The following SPATA17 variants were observed in gnomAD, a reference collection of about 807,000 sequenced individuals.
SPATA17 encodes spermatogenesis-associated protein 17.
A neutral mutation model predicts 62.2 loss-of-function variants in SPATA17; 53 were observed. That is an observed-to-expected ratio of 0.85 (90% CI 0.68 to 1.07). SPATA17 has a LOEUF of 1.07. Ranked by LOEUF, SPATA17 falls within the 50% of genes least tolerant of loss-of-function variation. The pLI, the probability that SPATA17 is intolerant of heterozygous loss-of-function variation, is 0.00. For synonymous variants in SPATA17, 146 were observed against 146.8 expected, an observed-to-expected ratio of 0.99 and a Z score of 0.04; for missense variants, 466 against 425.5, an observed-to-expected ratio of 1.10 and a Z score of -0.84.
chr1:217,672,153 G>A (rs917951393), intron 4 of SPATA17, among the ~76,000 whole-genome samples: 6 of 152,116 alleles, frequency 3.9e-5, no homozygotes, highest in Non-Finnish European at 7.4e-5. Flanking sequence ...CCAGTGTGTG[G>A]CCCAGATACC....
intron 6 of SPATA17, among the ~76,000 whole-genome samples, chr1:217,773,444 T>C (rs1673505440): frequency 6.6e-6 from 1 of 152,158 alleles, no homozygotes; most frequent in Admixed American, 6.6e-5. Context: ...ATATAAGGCT[T>C]CATGGAACCA....
At chr1:217,779,685 T>C (rs1283339523) in intron 7 of SPATA17, among the ~76,000 whole-genome samples, 1 of 152,084 alleles carries the variant, frequency 6.6e-6, no homozygotes, top group Non-Finnish European at 1.5e-5. Flanking sequence ...TGTTTGTTTG[T>C]TTTTTCTGAG....
At chr1:217,730,644 T>C (rs1672383586) in intron 5 of SPATA17, among the ~76,000 whole-genome samples, 1 of 152,188 alleles carries the variant, frequency 6.6e-6, no homozygotes, top group African/African-American at 2.4e-5. Flanking sequence ...ATATTACTCA[T>C]TTGAAAGTAA....
At chr1:217,679,084 G>C (rs892764023) in intron 4 of SPATA17, among the ~76,000 whole-genome samples, 9 of 151,974 alleles carry the variant, frequency 5.9e-5, no homozygotes, top group Non-Finnish European at 8.8e-5. Flanking sequence ...TTCTATAATA[G>C]GAAATATAGT....
chr1:217,722,058 C>T (rs1453557343), intron 5 of SPATA17, among the ~76,000 whole-genome samples: 2 of 152,150 alleles, frequency 1.3e-5, no homozygotes, highest in Non-Finnish European at 2.9e-5. Context: ...AGCTCCTCTT[C>T]CATCCCTTCT....
intron 5 of SPATA17, among the ~76,000 whole-genome samples, chr1:217,731,659 G>C (rs1207163296): frequency 6.6e-6 from 1 of 152,030 alleles, no homozygotes; most frequent in Non-Finnish European, 1.5e-5. Flanking sequence ...TGACCTAGAG[G>C]TTCTAGAAAC....
At position 217,683,285 on chromosome 1, in the gene SPATA17, G is replaced by T; in HGVS notation, c.319G>T (p.Val107Phe). ...TCAGAGACGATGGCGAGGCTATAGG[G>T]TTCGGAAGTACCTCTTTAATTATTA... Reference protein sequence around the residue: ...RIQRRWRGYRVRKYLFNYYYL... With the variant: ...RIQRRWRGYRFRKYLFNYYYL... The change falls in exon 5 of 11, where the codon GTT becomes TTT. Residue 107 changes from valine (V) to phenylalanine (F), a missense_variant. Coordinates refer to ENST00000366933, the MANE Select transcript of SPATA17 (RefSeq NM_138796.4). 6.2e-7 allele frequency: 1 copy of T among 1,609,288 alleles called. No individual in the cohort carries two copies.
At chr1:217,724,869 C>A (rs1464538006) in intron 5 of SPATA17, among the ~76,000 whole-genome samples, 5 of 151,966 alleles carry the variant, frequency 3.3e-5, no homozygotes, top group Non-Finnish European at 7.4e-5. Flanking sequence ...TTGTAAAAAG[C>A]CCTATATATG....
intron 5 of SPATA17, among the ~76,000 whole-genome samples, chr1:217,690,752 T>C (rs1490898335): frequency 7.8e-6 from 1 of 127,762 alleles, no homozygotes; most frequent in Non-Finnish European, 1.6e-5. Context: ...TGGTTTTTTG[T>C]TCTTGCGATA....
In SPATA17 at chr1:217,666,526, G is replaced by GT. The variant is rs56066765; in HGVS notation, c.241-2496dup. ...GGAAATGCGGTTCACATTTACATGT[G>GT]TTTTTTTTTTTAGTTTTTAAAAAAA... On this transcript the variant is annotated intron_variant, in intron 3 of 10. Transcript: ENST00000366933. Among the ~76,000 whole-genome samples, 1,007 of 145,354 alleles carry GT rather than the reference G, an allele frequency of 6.9e-3. 5 individuals carry two copies. The highest frequency in any genetic ancestry group is 0.033 in the East Asian group (166 of 5,018).
chr1:217,677,527 T>C (rs564638006), intron 4 of SPATA17, among the ~76,000 whole-genome samples: 109 of 152,196 alleles, frequency 7.2e-4, no homozygotes, highest in Non-Finnish European at 1.1e-3. Context: ...CTAGACATTA[T>C]GTTATTGTTC....
At chr1:217,654,957 G>T (rs568728358) in intron 3 of SPATA17, among the ~76,000 whole-genome samples, 1 of 152,188 alleles carries the variant, frequency 6.6e-6, no homozygotes, top group South Asian at 2.1e-4. Flanking sequence ...TGATATGCCC[G>T]CCTTGGCCTC....
At chr1:217,776,638 C>T (rs1266932619) in intron 7 of SPATA17, among the ~76,000 whole-genome samples, 1 of 139,366 alleles carries the variant, frequency 7.2e-6, no homozygotes, top group African/African-American at 2.7e-5. Context: ...CAGGAGTTCA[C>T]AACCAGCCTG....
At chr1:217,839,501 T>A (rs1370701322) in intron 9 of SPATA17, among the ~76,000 whole-genome samples, 2 of 152,216 alleles carry the variant, frequency 1.3e-5, no homozygotes, top group South Asian at 2.1e-4. Flanking sequence ...TTTCTGTAAT[T>A]GGTTTTTTCC....
At position 217,859,099 on chromosome 1, in the gene SPATA17, A is replaced by G. The variant is rs1389137883; in HGVS notation, c.1006-3675A>G. Reference sequence around the variant, plus strand: ...TTTATATATGTAGAAAATTATATAGAGAGAAATGTTTATATTATACATAAA... The same window carrying G: ...TTTATATATGTAGAAAATTATATAGGGAGAAATGTTTATATTATACATAAA... On this transcript the variant is annotated intron_variant, in intron 9 of 10. Transcript: ENST00000366933. 2.7e-5 allele frequency among the ~76,000 whole-genome samples: 4 copies of G among 147,370 alleles called. No homozygotes were observed. The East Asian group carries it at 7.8e-4, about 29-fold the overall frequency.
At chr1:217,683,415 T>A in intron 5 of SPATA17, 54 bp downstream of exon 5, 1 of 1,123,914 alleles carries the variant, frequency 8.9e-7, no homozygotes, top group Non-Finnish European at 1.3e-6. Flanking sequence ...GATTACTCAA[T>A]AGATGTTGAT....
chr1:217,791,610 C>A lies in SPATA17; in HGVS notation c.872+9288C>A, dbSNP rs75412731. On this transcript the variant is annotated intron_variant, in intron 8 of 10. Transcript: ENST00000366933. ...TAAAGAAGCTTAAGATTTTAAAAAT[C>A]TATACAGTTTGATAATTTGGAATAC... Among the ~76,000 whole-genome samples, 1,490 of 152,226 alleles carry A rather than the reference C, an allele frequency of 9.8e-3. 14 individuals carry two copies. Among genetic ancestry groups the A allele is most frequent in the African/African-American group, 0.034 (1,412 of 41,522 alleles).
At chr1:217,716,681 A>G (rs1416914837) in intron 5 of SPATA17, among the ~76,000 whole-genome samples, 2 of 152,358 alleles carry the variant, frequency 1.3e-5, no homozygotes, top group East Asian at 1.9e-4. Context: ...TAGGATACAT[A>G]TGTGTTCTTG....
chr1:217,804,346 A>G (rs1674382349), intron 9 of SPATA17, among the ~76,000 whole-genome samples: 2 of 152,242 alleles, frequency 1.3e-5, no homozygotes, highest in Admixed American at 6.5e-5. Flanking sequence ...AAAACTGTAT[A>G]TCCACTGCAG....
Sources: gnomAD v4.1 joint callset for allele counts (sites outside exome capture counted in the v4.1 genomes callset) on GRCh38, gnomAD v4.1.1 for gene constraint, MANE v1.5 for transcripts, NCBI Gene and HGNC (gene_info 2026-07-23, HGNC 2026-07-21) for gene names.